FHIP2A: variants seen among roughly 807,000 people sequenced by gnomAD.
FHIP2A encodes FHF complex subunit HOOK interacting protein 2A.
Under a neutral mutation model 93.5 loss-of-function variants are expected in FHIP2A, and 46 were observed. The observed-to-expected ratio is 0.49, with a 90% CI of 0.39 to 0.63. The LOEUF (loss-of-function observed/expected upper bound fraction) is 0.63. Ranked by LOEUF, FHIP2A falls within the 20% of genes least tolerant of loss-of-function variation. FHIP2A has a pLI of 0.00. For synonymous variants in FHIP2A, 332 were observed against 326.5 expected (o/e 1.02, Z -0.18); for missense variants, 769 against 909.7 (o/e 0.85, Z 1.99).
chr10:114,862,428 T>C lies in FHIP2A; in HGVS notation c.*888T>C. 1 of 987,578 alleles carries C rather than the reference T, an allele frequency of 1.0e-6. No homozygotes were observed. Among genetic ancestry groups the C allele is most frequent in the Non-Finnish European group, 1.2e-6 (1 of 830,108 alleles). 61.2% of individuals were successfully genotyped at this position (987,578 alleles called of 1,614,324 possible). A position where few individuals can be genotyped will look rare whatever the true frequency, so the allele number is the denominator to read the frequency against. On this transcript the variant is annotated 3_prime_UTR_variant, in exon 17 of 17. Transcript: ENST00000369248. ...AATTTGATTTTCTTACTGAAACGCA[T>C]GGTGGTGTCTAGGTGGGGAACTGAC...
intron 16 of FHIP2A, among the ~76,000 whole-genome samples, chr10:114,873,603 C>A (rs890198952): frequency 2.6e-5 from 4 of 152,064 alleles, no homozygotes; most frequent in Admixed American, 2.0e-4. Context: ...GTGTCCCAAA[C>A]CCTTTATTTA....
chr10:114,828,625 CT>C (rs938903937), intron 1 of FHIP2A, among the ~76,000 whole-genome samples: 2 of 152,004 alleles, frequency 1.3e-5, no homozygotes, highest in Admixed American at 6.6e-5. Flanking sequence ...CTGATTAAAA[CT>C]TTTTTTTATC....
chr10:114,832,354 T>G (rs2083612432), intron 2 of FHIP2A, among the ~76,000 whole-genome samples: 1 of 152,146 alleles, frequency 6.6e-6, no homozygotes, highest in East Asian at 1.9e-4. Flanking sequence ...TAATAGAGGG[T>G]TTTCCTTTTG....
intron 3 of FHIP2A, 44 bp from the exon 4 acceptor site, chr10:114,835,493 T>C: frequency 8.6e-7 from 1 of 1,166,152 alleles, no homozygotes. Flanking sequence ...TGTGTTTGCA[T>C]TGTCTGTTGT....
intron 2 of FHIP2A, among the ~76,000 whole-genome samples, chr10:114,832,835 C>A (rs569705965): frequency 6.6e-6 from 1 of 151,898 alleles, no homozygotes; most frequent in African/African-American, 2.4e-5. Context: ...CCTCAGCCTC[C>A]TGAGTGGCTG....
chr10:114,889,152 C>T lies in FHIP2A; in HGVS notation c.2193-10338C>T, dbSNP rs143332171. Among the ~76,000 whole-genome samples, 712 of 151,858 alleles carry T rather than the reference C, an allele frequency of 4.7e-3. 6 individuals are homozygous for T. Among genetic ancestry groups the T allele is most frequent in the African/African-American group, 0.016 (673 of 41,354 alleles). ...AGATTTTGAAGTTTATGAGGCCACCCGCATCATTGCTAATGTGTGCTGTGT... is the reference window on the plus strand; with the variant it reads ...AGATTTTGAAGTTTATGAGGCCACCTGCATCATTGCTAATGTGTGCTGTGT... On this transcript the variant is annotated intron_variant, in intron 16 of 16. Coordinates refer to the FHIP2A transcript ENST00000369250.
chr10:114,868,348 C>G (rs533578830), downstream of FHIP2A, among the ~76,000 whole-genome samples: 1 of 152,080 alleles, frequency 6.6e-6, no homozygotes, highest in African/African-American at 2.4e-5. Context: ...AACTTGCATG[C>G]GGGGATCTAG....
intron 5 of FHIP2A, among the ~76,000 whole-genome samples, chr10:114,842,625 C>T (rs2083675490): frequency 6.6e-6 from 1 of 152,032 alleles, no homozygotes; most frequent in Non-Finnish European, 1.5e-5. Flanking sequence ...ATTGAAACCT[C>T]CTGAAACTTT....
chr10:114,887,065 C>T (rs975753947), intron 16 of FHIP2A, among the ~76,000 whole-genome samples: 5 of 152,294 alleles, frequency 3.3e-5, no homozygotes, highest in African/African-American at 1.2e-4. Context: ...CCATGCATTT[C>T]CTACCACTGC....
At chr10:114,822,203 G>A (rs1265000571) in intron 1 of FHIP2A, 80 bp downstream of exon 1, 25 of 933,764 alleles carry the variant, frequency 2.7e-5, no homozygotes, top group African/African-American at 3.5e-5. Context: ...GGGACAAGCC[G>A]GGCGGCCTTG....
At chr10:114,837,723 G>A (rs1044492780) in intron 5 of FHIP2A, among the ~76,000 whole-genome samples, 2 of 152,102 alleles carry the variant, frequency 1.3e-5, no homozygotes, top group Non-Finnish European at 1.5e-5. Flanking sequence ...CTACGCCCTA[G>A]CAGTCACTGA....
At chr10:114,868,194 C>T (rs1185208270), downstream of FHIP2A, among the ~76,000 whole-genome samples, 10 of 152,100 alleles carry the variant, frequency 6.6e-5, no homozygotes, top group Admixed American at 5.2e-4. Context: ...CCCCAACCCC[C>T]GGGCCACAGA....
chr10:114,872,626 A>G (rs2083865349), intron 16 of FHIP2A, among the ~76,000 whole-genome samples: 1 of 152,176 alleles, frequency 6.6e-6, no homozygotes, highest in African/African-American at 2.4e-5. Context: ...TGCCATTAGG[A>G]TAATCAAGGG....
chr10:114,833,836 C>G (rs1388825733), intron 3 of FHIP2A, among the ~76,000 whole-genome samples: 2 of 152,156 alleles, frequency 1.3e-5, no homozygotes, highest in Non-Finnish European at 2.9e-5. Flanking sequence ...TTTGAAAAAT[C>G]TTTACAAAGC....
At chr10:114,893,666 C>T (rs1169428412) in intron 16 of FHIP2A, among the ~76,000 whole-genome samples, 1 of 152,056 alleles carries the variant, frequency 6.6e-6, no homozygotes, top group East Asian at 1.9e-4. Context: ...ATAAATTCAG[C>T]TTTGTGTTAT....
At chr10:114,897,770 C>T (rs2084008039) in intron 16 of FHIP2A, among the ~76,000 whole-genome samples, 1 of 152,106 alleles carries the variant, frequency 6.6e-6, no homozygotes, top group Admixed American at 6.6e-5. Flanking sequence ...ATTAGCCAGG[C>T]TTGGTGGTGC....
chr10:114,833,919 G>A (rs1450631878), intron 3 of FHIP2A, among the ~76,000 whole-genome samples: 2 of 152,090 alleles, frequency 1.3e-5, no homozygotes, highest in Non-Finnish European at 2.9e-5. Flanking sequence ...TTTTCCAGCC[G>A]TGTGGCCGAG....
intron 12 of FHIP2A, 59 bp downstream of exon 12, chr10:114,847,292 GTAT>G: frequency 2.0e-6 from 3 of 1,497,154 alleles, no homozygotes; most frequent in Non-Finnish European, 1.8e-6. Context: ...TTGTTTATTA[GTAT>G]TATTATTTTT....
intron 16 of FHIP2A, among the ~76,000 whole-genome samples, chr10:114,897,339 A>T (rs1463294489): frequency 6.6e-6 from 1 of 152,252 alleles, no homozygotes; most frequent in East Asian, 1.9e-4. Flanking sequence ...GTGTCAGGTT[A>T]TAAATGACCC....
Sources: allele counts gnomAD v4.1 joint callset (sites outside exome capture counted in the v4.1 genomes callset), GRCh38; gene constraint gnomAD v4.1.1; transcripts MANE v1.5; gene names NCBI Gene and HGNC (gene_info 2026-07-23, HGNC 2026-07-21).